The following HEATR5A variants were observed in gnomAD, a reference collection of about 807,000 sequenced individuals.
The protein encoded by HEATR5A is HEAT repeat containing 5A.
Under a neutral mutation model 218.8 loss-of-function variants are expected in HEATR5A, and 178 were observed. The observed-to-expected ratio is 0.81, with a 90% CI of 0.72 to 0.92. HEATR5A has a LOEUF of 0.92. HEATR5A is among the 40% of genes least tolerant of loss of function. HEATR5A has a pLI of 0.00. For missense variants in HEATR5A, 2,420 were observed against 2,418.9 expected (o/e 1.00, Z -0.01); for synonymous variants, 864 against 871.6 (o/e 0.99, Z 0.15).
At chr14:31,335,713 G>A (rs574219232) in intron 22 of HEATR5A, among the ~76,000 whole-genome samples, 6 of 152,198 alleles carry the variant, frequency 3.9e-5, no homozygotes, top group African/African-American at 1.4e-4. Context: ...GAGTGCAGTG[G>A]TGCAATTTCG....
chr14:31,295,880 CA>C, intron 34 of HEATR5A, 28 bp downstream of exon 34: 1 of 1,602,138 alleles, frequency 6.2e-7, no homozygotes, highest in Non-Finnish European at 8.5e-7. Context: ...TGTCCTATTA[CA>C]TACATCTTTC....
intron 16 of HEATR5A, among the ~76,000 whole-genome samples, chr14:31,357,779 T>C (rs545016705): frequency 6.6e-6 from 1 of 152,336 alleles, no homozygotes; most frequent in East Asian, 1.9e-4. Context: ...TTAACGAGGC[T>C]TTGCTCATAT....
At position 31,415,566 on chromosome 14, in the gene HEATR5A, C is replaced by A. The variant is rs143259421; in HGVS notation, c.-75+4906G>T. Among the ~76,000 whole-genome samples, 1,059 of 152,256 alleles carry A rather than the reference C, an allele frequency of 7.0e-3. 10 individuals carry two copies. The highest frequency in any genetic ancestry group is 0.024 in the African/African-American group (999 of 41,548). On this transcript the variant is annotated intron_variant, in intron 1 of 35. Transcript: ENST00000543095. ...AATTAAGAAAAAAACTTTTCAGAGC[C>A]TTTTAGACTCCAGAATTAGAACTAA...
At chr14:31,338,009 T>C (rs1230131195) in intron 21 of HEATR5A, among the ~76,000 whole-genome samples, 1 of 152,188 alleles carries the variant, frequency 6.6e-6, no homozygotes, top group Non-Finnish European at 1.5e-5. Flanking sequence ...AGCAGAAATT[T>C]ATACACATCC....
rs546662847 is a variant in HEATR5A at position 31,300,658 on chromosome 14, G to T, written c.5464+1637C>A. Among the ~76,000 whole-genome samples the T allele has an allele frequency of 2.2e-3, 335 of 152,292 alleles. 1 individual carries two copies. The highest frequency in any genetic ancestry group is 7.7e-3 in the African/African-American group (319 of 41,564). ...GAAGTCCAGGCCATTTCTGTCATAT[G>T]TTAAGACACTCTGATGGGCAATCTG... On this transcript the variant is annotated intron_variant, in intron 33 of 35. Transcript: ENST00000543095.
chr14:31,321,501 T>C lies in HEATR5A; in HGVS notation c.3967A>G (p.Asn1323Asp). 6.3e-7 allele frequency: 1 copy of C among 1,576,910 alleles called. No individual in the cohort carries two copies. Among genetic ancestry groups the C allele is most frequent in the East Asian group, 2.3e-5 (1 of 44,148 alleles). The change falls in exon 25 of 36, where the codon AAT (asparagine) becomes GAT (aspartate). Residue 1323 changes from asparagine to aspartate, a missense_variant and splice_region_variant. Coordinates refer to ENST00000543095, the MANE Select transcript of HEATR5A (RefSeq NM_015473.4). ...GHVILEQYQA[N>D]VGAALRPAFT... ...ATTCTCTAAAAGAAAGTGCTTACAT[T>C]GGCTTGATACTGTTCCAGAATCACA...
At chr14:31,335,331 C>A (rs1900616768) in intron 22 of HEATR5A, among the ~76,000 whole-genome samples, 1 of 152,056 alleles carries the variant, frequency 6.6e-6, no homozygotes, top group South Asian at 2.1e-4. Flanking sequence ...CTGATTAATT[C>A]AAGTTGAAGC....
intron 5 of HEATR5A, 139 bp downstream of exon 5, chr14:31,395,060 C>T (rs2030603799): frequency 2.0e-6 from 1 of 498,392 alleles, no homozygotes; most frequent in Admixed American, 3.4e-5. Flanking sequence ...AACTCTGGGC[C>T]TTAGTTTCCT....
chr14:31,397,721 T>C (rs2030712184), intron 4 of HEATR5A, among the ~76,000 whole-genome samples: 1 of 151,134 alleles, frequency 6.6e-6, no homozygotes, highest in Non-Finnish European at 1.5e-5. Flanking sequence ...TCCAGTGGCA[T>C]GACCATAGCT....
chr14:31,407,957 G>C (rs950939974), intron 1 of HEATR5A, among the ~76,000 whole-genome samples: 11 of 152,136 alleles, frequency 7.2e-5, no homozygotes, highest in Admixed American at 7.2e-4. Context: ...AGCTACACAA[G>C]AATGTTAATT....
At chr14:31,405,378 G>C (rs1004703647) in intron 1 of HEATR5A, among the ~76,000 whole-genome samples, 24 of 152,204 alleles carry the variant, frequency 1.6e-4, no homozygotes, top group African/African-American at 5.5e-4. Context: ...AGGTTGCAGC[G>C]AGCCAGGATC....
chr14:31,304,934 G>A lies in HEATR5A; in HGVS notation c.5210C>T (p.Ser1737Phe). 6.2e-7 allele frequency: 1 copy of A among 1,613,942 alleles called. No individual in the cohort carries two copies. Among genetic ancestry groups the A allele is most frequent in the Non-Finnish European group, 8.5e-7 (1 of 1,179,878 alleles). ...RLVSAALVIL[S>F]ELPAVCSPEG... Reference sequence around the variant, plus strand: ...AGGAGAGCACACTGCAGGAAGTTCGGAAAGGATAACCAATGCAGCTGAAAC... The same window carrying A: ...AGGAGAGCACACTGCAGGAAGTTCGAAAAGGATAACCAATGCAGCTGAAAC... Residue 1737 changes from serine (S) to phenylalanine (F), a missense_variant, in exon 32 of 36, where the codon TCC becomes TTC. Transcript: ENST00000543095.
Position 31,315,698 on chromosome 14 carries a change from A to C in HEATR5A, c.4218+72T>G, listed in dbSNP as rs144533776. 4.7e-4 allele frequency: 533 copies of C among 1,141,464 alleles called. 3 individuals carry two copies. The East Asian group carries it at 0.013, about 27-fold the overall frequency. The allele number at this position is 1,141,464 out of a possible 1,614,324, so 70.7% of individuals were successfully genotyped here. On this transcript the variant is annotated intron_variant, in intron 27 of 35. Transcript: ENST00000543095. ...TATTTGTAGTTCATTTTAAACAGTA[A>C]ATTTCAGTTTATGGCCTAAGGTGTT... is the stretch of plus-strand genomic sequence containing the variant.
intron 10 of HEATR5A, 47 bp downstream of exon 10, chr14:31,383,474 C>G: frequency 6.5e-7 from 1 of 1,545,054 alleles, no homozygotes. Flanking sequence ...GAAGATACTT[C>G]TAACAAAAAG....
intron 22 of HEATR5A, among the ~76,000 whole-genome samples, chr14:31,337,273 T>A (rs922404423): frequency 2.6e-5 from 4 of 152,196 alleles, no homozygotes; most frequent in African/African-American, 4.8e-5. Context: ...AGGTAAGGTA[T>A]ACACTGCTGG....
intron 12 of HEATR5A, among the ~76,000 whole-genome samples, 156 bp from the exon 13 acceptor site, chr14:31,372,065 G>C (rs530888743): frequency 7.7e-4 from 117 of 152,134 alleles, no homozygotes; most frequent in Admixed American, 1.6e-3. Flanking sequence ...GGTATATAGT[G>C]CTTTCTACTC....
At chr14:31,400,168 G>T in intron 3 of HEATR5A, 133 bp downstream of exon 3, 1 of 563,860 alleles carries the variant, frequency 1.8e-6, no homozygotes. Flanking sequence ...TCTTTTTTAA[G>T]TTAGATTTTG....
At position 31,337,598 on chromosome 14, in the gene HEATR5A, G is replaced by C. The variant is rs1323755910; in HGVS notation, c.3245C>G (p.Pro1082Arg). 2 of 1,600,646 alleles carry C rather than the reference G, an allele frequency of 1.2e-6. No individual in the cohort carries two copies. The highest frequency in any genetic ancestry group is 2.2e-5 in the East Asian group (1 of 44,574). ...VSCLCVNLCS[P>R]YLLLRRAVLA... ...TACTGCTCTTCTCAGTAACAAGTAGGGGCTACAAAGATTCACCTGAAAAAT... is the reference window on the plus strand; with the variant it reads ...TACTGCTCTTCTCAGTAACAAGTAGCGGCTACAAAGATTCACCTGAAAAAT... The change falls in exon 22 of 36, where the codon CCC (proline) becomes CGC (arginine). Residue 1082 changes from proline to arginine, a missense_variant. Coordinates refer to ENST00000543095, the MANE Select transcript of HEATR5A (RefSeq NM_015473.4).
chr14:31,292,207 C>A lies in HEATR5A; in HGVS notation c.*1098G>T, dbSNP rs1899051298. 1 of 151,978 alleles carries A rather than the reference C, an allele frequency of 6.6e-6. No individual in the cohort carries two copies. The highest frequency in any genetic ancestry group is 2.4e-5 in the African/African-American group (1 of 41,356). 9.4% of individuals were successfully genotyped at this position (151,978 alleles called of 1,614,324 possible). On this transcript the variant is annotated 3_prime_UTR_variant, in exon 36 of 36. Transcript: ENST00000543095. ...TACTAAATTTGGCATTTATATAAAC[C>A]CATAGTTGATCTAAATACAATGTAG...
Sources: allele counts gnomAD v4.1 joint callset (sites outside exome capture counted in the v4.1 genomes callset), GRCh38; gene constraint gnomAD v4.1.1; transcripts MANE v1.5; gene names NCBI Gene and HGNC (gene_info 2026-07-23, HGNC 2026-07-21).